GFRAL: variants seen among roughly 807,000 people sequenced by gnomAD.
The protein encoded by GFRAL is GDNF family receptor alpha like, also known as GDNF family receptor alpha-like.
A neutral mutation model predicts 45.4 loss-of-function variants in GFRAL; 36 were observed. The ratio of observed to expected loss-of-function variants is 0.79; its 90% CI spans 0.61 to 1.05. The LOEUF (loss-of-function observed/expected upper bound fraction) is 1.05, where lower values mean the gene tolerates loss of function less well. Among genes scored for constraint, GFRAL ranks in the 50% least tolerant of loss-of-function variants. The probability of loss-of-function intolerance (pLI) is 0.00; values close to 1 mark genes in which losing one functional copy is unlikely to be tolerated. For synonymous variants in GFRAL, 166 were observed against 154.1 expected (o/e 1.08, Z -0.57); for missense variants, 507 against 467.5 (o/e 1.08, Z -0.78).
chr6:55,351,991 C>A (rs896327381), intron 5 of GFRAL, among the ~76,000 whole-genome samples: 3 of 151,784 alleles, frequency 2.0e-5, no homozygotes, highest in Admixed American at 1.3e-4. Flanking sequence ...GAAATAAATT[C>A]TTTCTGTCTT....
chr6:55,338,816 T>C (rs903038812), intron 3 of GFRAL, among the ~76,000 whole-genome samples: 1 of 152,160 alleles, frequency 6.6e-6, no homozygotes, highest in Non-Finnish European at 1.5e-5. Context: ...TGGAAAGAAA[T>C]CAGCTATTTA....
chr6:55,397,577 T>C lies in GFRAL; in HGVS notation c.953-1603T>C, dbSNP rs11752527. On this transcript the variant is annotated intron_variant, in intron 6 of 8. Coordinates refer to ENST00000340465, the MANE Select transcript of GFRAL (RefSeq NM_207410.2). ...GCCTTAACTGTATTTGAGTTCAGAC[T>C]CCCTGAGAATGAGTTTTCTAATGAC... is the stretch of plus-strand genomic sequence containing the variant. Among the ~76,000 whole-genome samples, 499 of 132,566 alleles carry C rather than the reference T, an allele frequency of 3.8e-3. 31 individuals are homozygous for C. Among genetic ancestry groups the C allele is most frequent in the African/African-American group, 0.012 (416 of 34,456 alleles). The allele number at this position is 132,566 out of a possible 152,430, so 87.0% of individuals were successfully genotyped here.
chr6:55,401,950 C>A lies in GFRAL; in HGVS notation c.*97C>A. On this transcript the variant is annotated 3_prime_UTR_variant, in exon 9 of 9. Coordinates refer to ENST00000340465, the MANE Select transcript of GFRAL (RefSeq NM_207410.2). ...CTCTCCTCTCCTCTCTTCTCCTCTC[C>A]TCCCCTCCCCTCTCTGTTTCTTTTT... is the stretch of plus-strand genomic sequence containing the variant. The A allele has an allele frequency of 1.5e-6, 1 of 676,394 alleles. No homozygotes were observed. Among genetic ancestry groups the A allele is most frequent in the Non-Finnish European group, 2.6e-6 (1 of 391,754 alleles). The allele number at this position is 676,394 out of a possible 1,614,324, so 41.9% of individuals were successfully genotyped here.
chr6:55,350,478 C>T (rs111532961), intron 4 of GFRAL, among the ~76,000 whole-genome samples: 3 of 151,948 alleles, frequency 2.0e-5, no homozygotes, highest in African/African-American at 4.8e-5. Context: ...AGTTTGAGAC[C>T]AACCTGGACA....
chr6:55,350,975 A>T (rs557235147), intron 4 of GFRAL, among the ~76,000 whole-genome samples: 4 of 152,102 alleles, frequency 2.6e-5, no homozygotes, highest in African/African-American at 9.7e-5. Context: ...AAAACCTTGG[A>T]CTGGGAGATT....
chr6:55,377,036 C>A (rs1175913041), intron 6 of GFRAL, among the ~76,000 whole-genome samples: 1 of 151,948 alleles, frequency 6.6e-6, no homozygotes, highest in Non-Finnish European at 1.5e-5. Context: ...TTTTGTAAAA[C>A]CCTGCTCAAG....
Position 55,359,878 on chromosome 6 carries a change from T to C in GFRAL, c.952+740T>C, listed in dbSNP as rs1460956493. ...AGTGGACTACATAAGGATATGAATATTCAAGGTCAGATTAATCAAGGATCA... is the reference window on the plus strand; with the variant it reads ...AGTGGACTACATAAGGATATGAATACTCAAGGTCAGATTAATCAAGGATCA... On this transcript the variant is annotated intron_variant, in intron 6 of 8. Transcript: ENST00000340465. 2.6e-5 allele frequency among the ~76,000 whole-genome samples: 4 copies of C among 152,024 alleles called. No homozygotes were observed. The East Asian group carries it at 7.8e-4, about 30-fold the overall frequency.
chr6:55,337,518 G>C (rs1341899393), intron 3 of GFRAL, among the ~76,000 whole-genome samples: 1 of 152,098 alleles, frequency 6.6e-6, no homozygotes, highest in Non-Finnish European at 1.5e-5. Context: ...TCATTAACCA[G>C]TAAAGATATC....
chr6:55,330,584 A>T (rs1581896371), intron 1 of GFRAL, among the ~76,000 whole-genome samples: 2 of 152,182 alleles, frequency 1.3e-5, no homozygotes, highest in Non-Finnish European at 2.9e-5. Context: ...AAAAGAAAGA[A>T]AATACTTATC....
At chr6:55,388,384 C>A (rs1238614041) in intron 6 of GFRAL, among the ~76,000 whole-genome samples, 1 of 152,174 alleles carries the variant, frequency 6.6e-6, no homozygotes, top group African/African-American at 2.4e-5. Context: ...TGATACACTG[C>A]TGTGCGTCAC....
intron 6 of GFRAL, among the ~76,000 whole-genome samples, chr6:55,373,147 T>C (rs957991301): frequency 5.3e-5 from 8 of 151,494 alleles, no homozygotes; most frequent in Admixed American, 5.3e-4. Flanking sequence ...TAACACACAG[T>C]GAGATCCTAT....
chr6:55,401,966 G>C lies in GFRAL; in HGVS notation c.*113G>C. The C allele has an allele frequency of 1.6e-6, 1 of 625,584 alleles. No individual in the cohort carries two copies. The highest frequency in any genetic ancestry group is 2.1e-5 in the South Asian group (1 of 48,232). The allele number at this position is 625,584 out of a possible 1,614,324, so 38.8% of individuals were successfully genotyped here. A position where few individuals can be genotyped will look rare whatever the true frequency, so the allele number is the denominator to read the frequency against. ...TCTCCTCTCCTCCCCTCCCCTCTCT[G>C]TTTCTTTTTCTTTTTCTTTTCTTTT... is the stretch of plus-strand genomic sequence containing the variant. On this transcript the variant is annotated 3_prime_UTR_variant, in exon 9 of 9. Transcript: ENST00000340465.
intron 5 of GFRAL, among the ~76,000 whole-genome samples, chr6:55,355,177 A>G (rs1385698261): frequency 6.6e-6 from 1 of 151,758 alleles, no homozygotes; most frequent in Admixed American, 6.6e-5. Flanking sequence ...TGGATTAAAG[A>G]TCTTTCCATA....
intron 6 of GFRAL, among the ~76,000 whole-genome samples, chr6:55,374,800 A>C (rs187631104): frequency 5.9e-5 from 9 of 152,198 alleles, no homozygotes. Flanking sequence ...TAATTTCTGT[A>C]TATGGTGTAA....
At chr6:55,400,250 T>C (rs1002181746) in intron 8 of GFRAL, among the ~76,000 whole-genome samples, 4 of 152,126 alleles carry the variant, frequency 2.6e-5, no homozygotes, top group African/African-American at 9.7e-5. Flanking sequence ...TAAATGTTAA[T>C]GAAGAAATAT....
At position 55,359,066 on chromosome 6, in the gene GFRAL, A is replaced by G. The variant is rs2127357255; in HGVS notation, c.880A>G (p.Arg294Gly). ...GTVLQVQCTC[R>G]TITQSEESLC... ...GGTCCTTCAAGTGCAATGTACCTGT[A>G]GGACCATTACACAAAGTGAGGAATC... Residue 294 changes from arginine (R) to glycine (G), a missense_variant, in exon 6 of 9, where the codon AGG (arginine) becomes GGG (glycine). Arg to Gly is a moderately radical substitution (Grantham distance 125). Coordinates refer to ENST00000340465, the MANE Select transcript of GFRAL (RefSeq NM_207410.2). 6.2e-7 allele frequency: 1 copy of G among 1,612,858 alleles called. No homozygotes were observed. The highest frequency in any genetic ancestry group is 1.1e-5 in the South Asian group (1 of 91,056).
chr6:55,345,442 G>C (rs1222613079), intron 3 of GFRAL, among the ~76,000 whole-genome samples: 6 of 152,280 alleles, frequency 3.9e-5, no homozygotes, highest in Non-Finnish European at 7.3e-5. Flanking sequence ...ATGAAATCGG[G>C]AAAGGATTCC....
intron 3 of GFRAL, among the ~76,000 whole-genome samples, chr6:55,349,629 A>T (rs1487477535): frequency 6.6e-6 from 1 of 152,134 alleles, no homozygotes; most frequent in East Asian, 1.9e-4. Context: ...ATAATTTCTA[A>T]GAACTCTTGG....
rs371496479 is a variant in GFRAL, at chr6:55,402,013, G to T, written c.*160G>T. On this transcript the variant is annotated 3_prime_UTR_variant, in exon 9 of 9. Coordinates refer to ENST00000340465, the MANE Select transcript of GFRAL (RefSeq NM_207410.2). ...TTTTTTGTGGCGGAGTTTTGCTCTT[G>T]TTGCCCAGGCTGCAGTACAATGGCT... 1.9e-6 allele frequency: 1 copy of T among 537,956 alleles called. No individual in the cohort carries two copies. The highest frequency in any genetic ancestry group is 3.2e-6 in the Non-Finnish European group (1 of 311,664). 33.3% of individuals were successfully genotyped at this position (537,956 alleles called of 1,614,324 possible). A position where few individuals can be genotyped will look rare whatever the true frequency, so the allele number is the denominator to read the frequency against.
Sources: gnomAD v4.1 joint callset for allele counts (sites outside exome capture counted in the v4.1 genomes callset) on GRCh38, gnomAD v4.1.1 for gene constraint, MANE v1.5 for transcripts, NCBI Gene and HGNC (gene_info 2026-07-23, HGNC 2026-07-21) for gene names.